Variants in ZDHHC14 observed in about 807,000 individuals in gnomAD.
The protein encoded by ZDHHC14 is palmitoyltransferase ZDHHC14.
ZDHHC14 carries 16 observed loss-of-function variants against 47.7 expected under a neutral mutation model. The ratio of observed to expected loss-of-function variants is 0.34; its 90% confidence interval spans 0.23 to 0.51. ZDHHC14 has a LOEUF of 0.51. Among genes scored for constraint, ZDHHC14 ranks in the 20% least tolerant of loss-of-function variants. The probability of loss-of-function intolerance (pLI) is 0.97; values close to 1 mark genes in which losing one functional copy is unlikely to be tolerated. For missense variants in ZDHHC14, 515 were observed against 662.5 expected (o/e 0.78, Z 2.44); for synonymous variants, 293 against 278.9 (o/e 1.05, Z -0.50).
chr6:157,424,290 G>C (rs1358900562), intron 1 of ZDHHC14, among the ~76,000 whole-genome samples: 1 of 152,186 alleles, frequency 6.6e-6, no homozygotes, highest in Non-Finnish European at 1.5e-5. Context: ...GTGGTGGTGA[G>C]AAATTTTGTT....
chr6:157,433,692 G>T (rs193280731), intron 1 of ZDHHC14, among the ~76,000 whole-genome samples: 41 of 152,326 alleles, frequency 2.7e-4, no homozygotes, highest in Middle Eastern at 3.4e-3. Flanking sequence ...CATCAGGACC[G>T]AGTGTGTGTG....
intron 3 of ZDHHC14, among the ~76,000 whole-genome samples, chr6:157,610,896 T>C (rs1315253891): frequency 6.6e-6 from 1 of 152,242 alleles, no homozygotes; most frequent in African/African-American, 2.4e-5. Context: ...GAATGAGAAA[T>C]AGAACTGCCA....
chr6:157,504,449 A>AT (rs35677570), intron 1 of ZDHHC14, among the ~76,000 whole-genome samples: 3,651 of 96,450 alleles, frequency 0.038, 229 homozygotes, highest in African/African-American at 0.14. Flanking sequence ...CACCCAGCCT[A>AT]TTTTTTTTTT....
Position 157,643,267 on chromosome 6 carries a change from G to A in ZDHHC14, c.753-2470G>A, listed in dbSNP as rs572759188. Among the ~76,000 whole-genome samples, 6 of 152,234 alleles carry A rather than the reference G, an allele frequency of 3.9e-5. No individual in the cohort carries two copies. The East Asian group carries it at 9.7e-4, about 25-fold the overall frequency. Reference sequence around the variant, plus strand: ...GCCAGCAGGCTGCATCTTGCATCTCGCATCCTACTTTGGATTCATGTCATT... The same window carrying A: ...GCCAGCAGGCTGCATCTTGCATCTCACATCCTACTTTGGATTCATGTCATT... On this transcript the variant is annotated intron_variant, in intron 5 of 8. Coordinates refer to ENST00000359775, the MANE Select transcript of ZDHHC14 (RefSeq NM_024630.3).
At chr6:157,639,747 G>A (rs916769763) in intron 5 of ZDHHC14, among the ~76,000 whole-genome samples, 2 of 152,190 alleles carry the variant, frequency 1.3e-5, no homozygotes, top group African/African-American at 4.8e-5. Context: ...AGGGGTGAGG[G>A]CGGAGGAGTA....
intron 1 of ZDHHC14, among the ~76,000 whole-genome samples, chr6:157,410,923 C>A (rs1158278640): frequency 6.6e-6 from 1 of 152,130 alleles, no homozygotes; most frequent in Non-Finnish European, 1.5e-5. Flanking sequence ...TCTCGATCTT[C>A]TGACCTCGTG....
At chr6:157,545,815 T>C (rs915114230) in intron 2 of ZDHHC14, among the ~76,000 whole-genome samples, 3 of 152,170 alleles carry the variant, frequency 2.0e-5, no homozygotes, top group Admixed American at 6.5e-5. Context: ...CTTTCTCTAG[T>C]TGCGTGACTT....
Position 157,653,870 on chromosome 6 carries a change from G to A in ZDHHC14, c.1068+243G>A, listed in dbSNP as rs558544870. On this transcript the variant is annotated intron_variant, in intron 8 of 8. Coordinates refer to ENST00000359775, the MANE Select transcript of ZDHHC14 (RefSeq NM_024630.3). ...AGTTGCGCAGGGGAAGTCCACACAC[G>A]CGAGCTGTCTGCCAAAACAGCTTGA... 8.5e-5 allele frequency among the ~76,000 whole-genome samples: 13 copies of A among 152,268 alleles called. No individual in the cohort carries two copies. The East Asian group carries it at 1.5e-3, about 18-fold the overall frequency.
At chr6:157,606,897 C>T (rs892962365) in intron 3 of ZDHHC14, among the ~76,000 whole-genome samples, 1 of 152,186 alleles carries the variant, frequency 6.6e-6, no homozygotes, top group Admixed American at 6.5e-5. Context: ...ATGGGAAACA[C>T]ATCACACTAG....
At chr6:157,651,446 G>A (rs1009225608) in intron 7 of ZDHHC14, among the ~76,000 whole-genome samples, 1 of 152,220 alleles carries the variant, frequency 6.6e-6, no homozygotes, top group African/African-American at 2.4e-5. Flanking sequence ...CCAATTGAGT[G>A]TGACCTCATC....
intron 2 of ZDHHC14, among the ~76,000 whole-genome samples, chr6:157,556,810 C>A (rs1290679435): frequency 6.6e-6 from 1 of 152,150 alleles, no homozygotes; most frequent in African/African-American, 2.4e-5. Context: ...TGGCTGCCAC[C>A]AGCTGAAGGA....
rs141343445 is a variant in ZDHHC14 at position 157,476,127 on chromosome 6, T to G, written c.246-66458T>G. Among the ~76,000 whole-genome samples, 49 of 152,156 alleles carry G rather than the reference T, an allele frequency of 3.2e-4. No individual in the cohort carries two copies. The East Asian group carries it at 8.3e-3, about 26-fold the overall frequency. On this transcript the variant is annotated intron_variant, in intron 1 of 8. Transcript: ENST00000359775. ...GATCACAGCAATATGAAATAAAGACTAGTAAACAATAGAAAAGATAAATGA... is the reference window on the plus strand; with the variant it reads ...GATCACAGCAATATGAAATAAAGACGAGTAAACAATAGAAAAGATAAATGA...
chr6:157,384,661 G>A (rs1260576679), intron 1 of ZDHHC14, among the ~76,000 whole-genome samples: 1 of 152,190 alleles, frequency 6.6e-6, no homozygotes, highest in Non-Finnish European at 1.5e-5. Flanking sequence ...GGCTATTCGA[G>A]CTACAGAATA....
chr6:157,576,109 CA>C (rs1291131054), intron 2 of ZDHHC14, among the ~76,000 whole-genome samples: 4 of 152,156 alleles, frequency 2.6e-5, no homozygotes. Flanking sequence ...TGAAACTGCC[CA>C]AATGAGCCCT....
Position 157,645,764 on chromosome 6 carries a change from C to T in ZDHHC14, c.780C>T (p.Phe260=). 6.2e-7 allele frequency: 1 copy of T among 1,614,144 alleles called. No homozygotes were observed. The highest frequency in any genetic ancestry group is 8.5e-7 in the Non-Finnish European group (1 of 1,180,022). ...ASVLEAVVCF[F]SVWSIVGLSG... ...TCCTGGAGGCTGTGGTGTGCTTCTT[C>T]TCTGTCTGGTCCATCGTTGGCCTCT... The change falls in exon 6 of 9, where the codon TTC becomes TTT. Residue 260 remains phenylalanine, a synonymous_variant. Coordinates refer to ENST00000359775, the MANE Select transcript of ZDHHC14 (RefSeq NM_024630.3).
At chr6:157,570,794 C>CACAT (rs1287031444) in intron 2 of ZDHHC14, among the ~76,000 whole-genome samples, 7 of 147,758 alleles carry the variant, frequency 4.7e-5, no homozygotes, top group African/African-American at 1.8e-4. Flanking sequence ...CACACACACA[C>CACAT]ATATATATAC....
At position 157,381,951 on chromosome 6, in the gene ZDHHC14, C is replaced by A. The variant is rs1230976175; in HGVS notation, c.-71C>A. Reference sequence around the variant, plus strand: ...GGGCGGCCGGGCGGCCGGCGGCGGTCGTGGCTCGGCGGGGCCCGCGCGGCC... The same window carrying A: ...GGGCGGCCGGGCGGCCGGCGGCGGTAGTGGCTCGGCGGGGCCCGCGCGGCC... On this transcript the variant is annotated 5_prime_UTR_variant, in exon 1 of 9. Coordinates refer to ENST00000359775, the MANE Select transcript of ZDHHC14 (RefSeq NM_024630.3). 1 of 992,230 alleles carries A rather than the reference C, an allele frequency of 1.0e-6. No homozygotes were observed. The highest frequency in any genetic ancestry group is 4.7e-5 in the South Asian group (1 of 21,320). 61.5% of individuals were successfully genotyped at this position (992,230 alleles called of 1,614,324 possible).
intron 2 of ZDHHC14, among the ~76,000 whole-genome samples, chr6:157,587,303 A>G (rs930313050): frequency 3.3e-5 from 5 of 152,344 alleles, no homozygotes; most frequent in Non-Finnish European, 7.4e-5. Context: ...GATGGATTCA[A>G]AGCCAGTGAT....
chr6:157,474,932 C>T (rs1041293449), intron 1 of ZDHHC14, among the ~76,000 whole-genome samples: 13 of 152,152 alleles, frequency 8.5e-5, no homozygotes, highest in Non-Finnish European at 1.3e-4. Context: ...TATTTTGCTT[C>T]TGTCTCCTGT....
Sources: allele counts gnomAD v4.1 joint callset (sites outside exome capture counted in the v4.1 genomes callset), GRCh38; gene constraint gnomAD v4.1.1; transcripts MANE v1.5; gene names NCBI Gene and HGNC (gene_info 2026-07-23, HGNC 2026-07-21).